Variants in DCC observed in about 807,000 individuals in gnomAD.
DCC encodes the protein DCC netrin 1 receptor, also known as netrin receptor DCC.
DCC carries 58 observed loss-of-function variants against 172.5 expected under a neutral mutation model. That is an observed-to-expected ratio of 0.34 (90% confidence interval 0.27 to 0.42). The LOEUF (loss-of-function observed/expected upper bound fraction) is 0.42, where lower values mean the gene tolerates loss of function less well. DCC is among the 10% of genes least tolerant of loss of function. The probability of loss-of-function intolerance (pLI) is 1.00; values close to 1 mark genes in which losing one functional copy is unlikely to be tolerated. For synonymous variants in DCC, 709 were observed against 644.5 expected, an observed-to-expected ratio of 1.10 and a Z score of -1.52; for missense variants, 1,740 against 1,791.0, an observed-to-expected ratio of 0.97 and a Z score of 0.51.
chr18:53,516,628 G>A (rs1393810639), intron 27 of DCC, among the ~76,000 whole-genome samples: 1 of 151,254 alleles, frequency 6.6e-6, no homozygotes, highest in Admixed American at 6.6e-5. Flanking sequence ...CCATCAAAAA[G>A]TGGGCAAAGC....
intron 2 of DCC, among the ~76,000 whole-genome samples, chr18:52,880,807 G>C (rs1259287566): frequency 6.6e-6 from 1 of 152,172 alleles, no homozygotes; most frequent in Non-Finnish European, 1.5e-5. Context: ...GTTGTGAACA[G>C]TGCTACAACA....
In DCC at chr18:53,114,155, G is replaced by C. The variant is rs142633087; in HGVS notation, c.1262-43201G>C. ...ATAATGCACTCATGTTTATGTAAAT[G>C]ACATCCTACCAAACAGTCATTTATA... is the stretch of plus-strand genomic sequence containing the variant. On this transcript the variant is annotated intron_variant, in intron 7 of 28. Coordinates refer to ENST00000442544, the MANE Select transcript of DCC (RefSeq NM_005215.4). Among the ~76,000 whole-genome samples the C allele has an allele frequency of 6.2e-3, 934 of 151,544 alleles. 5 individuals are homozygous for C. The highest frequency in any genetic ancestry group is 0.011 in the Non-Finnish European group (762 of 67,656).
At chr18:52,649,166 G>A (rs2035075055) in intron 1 of DCC, among the ~76,000 whole-genome samples, 1 of 152,100 alleles carries the variant, frequency 6.6e-6, no homozygotes, top group Non-Finnish European at 1.5e-5. Context: ...GAGGTCAGGA[G>A]ATCGAGACCA....
At chr18:52,855,104 A>T (rs969597233) in intron 2 of DCC, among the ~76,000 whole-genome samples, 1 of 152,074 alleles carries the variant, frequency 6.6e-6, no homozygotes, top group African/African-American at 2.4e-5. Flanking sequence ...CACTATAGGG[A>T]GCTCTTGTGT....
chr18:53,343,992 A>G (rs2057692754), intron 15 of DCC, among the ~76,000 whole-genome samples: 4 of 151,796 alleles, frequency 2.6e-5, no homozygotes, highest in South Asian at 2.1e-4. Context: ...CATTTCTCAT[A>G]TTGGTCTTTT....
At chr18:52,561,739 C>T (rs530035083) in intron 1 of DCC, among the ~76,000 whole-genome samples, 6 of 152,038 alleles carry the variant, frequency 3.9e-5, no homozygotes, top group Non-Finnish European at 7.4e-5. Context: ...ATTCACTTCG[C>T]GGTGGGTTTT....
chr18:53,023,284 G>T (rs1004693481), intron 5 of DCC, among the ~76,000 whole-genome samples: 1 of 148,312 alleles, frequency 6.7e-6, no homozygotes, highest in Non-Finnish European at 1.5e-5. Context: ...TTTAGTAGTC[G>T]ACTGTTTCTA....
intron 2 of DCC, among the ~76,000 whole-genome samples, chr18:52,870,540 G>A (rs2039302939): frequency 6.6e-6 from 1 of 152,138 alleles, no homozygotes; most frequent in African/African-American, 2.4e-5. Flanking sequence ...TTATTCCGGA[G>A]GCCGTAGGAT....
At chr18:52,986,336 A>G (rs2041292370) in intron 5 of DCC, among the ~76,000 whole-genome samples, 2 of 152,178 alleles carry the variant, frequency 1.3e-5, no homozygotes, top group African/African-American at 2.4e-5. Flanking sequence ...TTCAGCAGGG[A>G]CCAGACAGTA....
intron 5 of DCC, among the ~76,000 whole-genome samples, chr18:52,957,763 A>G (rs1395581149): frequency 6.6e-6 from 1 of 152,122 alleles, no homozygotes; most frequent in African/African-American, 2.4e-5. Context: ...CTTGTGCTCC[A>G]TGTGCGAAGA....
intron 1 of DCC, among the ~76,000 whole-genome samples, chr18:52,623,261 G>A (rs545019774): frequency 4.3e-4 from 65 of 152,304 alleles, no homozygotes; most frequent in Middle Eastern, 3.4e-3. Flanking sequence ...GTCATCTTAA[G>A]TAGTAAGGGA....
intron 1 of DCC, among the ~76,000 whole-genome samples, chr18:52,632,923 G>T (rs1046414825): frequency 1.3e-5 from 2 of 152,152 alleles, no homozygotes; most frequent in South Asian, 2.1e-4. Flanking sequence ...TTCAGGAACG[G>T]TTTGCAAACT....
intron 5 of DCC, among the ~76,000 whole-genome samples, chr18:53,062,483 A>G (rs2144077736): frequency 6.6e-6 from 1 of 152,252 alleles, no homozygotes; most frequent in East Asian, 1.9e-4. Flanking sequence ...CTCAGTCAAT[A>G]TAATATTTAA....
At chr18:52,889,882 A>C (rs1010412746) in intron 2 of DCC, among the ~76,000 whole-genome samples, 1 of 152,176 alleles carries the variant, frequency 6.6e-6, no homozygotes, top group Non-Finnish European at 1.5e-5. Context: ...CTTTGCCTAA[A>C]TGCACAAAAC....
intron 28 of DCC, 200 bp downstream of exon 28, chr18:53,526,959 G>A (rs2144619405): frequency 1.7e-6 from 1 of 596,332 alleles, no homozygotes; most frequent in Middle Eastern, 4.6e-4. Context: ...TTATGTCAGA[G>A]ACTTAGTTAT....
At chr18:53,232,346 T>A (rs2056135526) in intron 12 of DCC, among the ~76,000 whole-genome samples, 1 of 152,170 alleles carries the variant, frequency 6.6e-6, no homozygotes, top group Non-Finnish European at 1.5e-5. Flanking sequence ...AGAGTACCTC[T>A]CTCATCTTAA....
chr18:53,428,142 A>G (rs190094385), intron 21 of DCC, among the ~76,000 whole-genome samples: 25,212 of 53,342 alleles, frequency 0.47, 9,806 homozygotes, highest in Non-Finnish European at 0.62. Flanking sequence ...TAATATAATA[A>G]TATATAATAT....
At chr18:52,993,001 A>G (rs2041419201) in intron 5 of DCC, among the ~76,000 whole-genome samples, 1 of 149,108 alleles carries the variant, frequency 6.7e-6, no homozygotes, top group Admixed American at 6.7e-5. Context: ...AAAAAAAAAA[A>G]CACATGTGAA....
intron 14 of DCC, among the ~76,000 whole-genome samples, chr18:53,331,243 A>G (rs1459920235): frequency 6.6e-6 from 1 of 152,196 alleles, no homozygotes; most frequent in Non-Finnish European, 1.5e-5. Context: ...AGACAAACCA[A>G]TAGGTCTGTA....
Sources: gnomAD v4.1 joint callset for allele counts (sites outside exome capture counted in the v4.1 genomes callset) on GRCh38, gnomAD v4.1.1 for gene constraint, MANE v1.5 for transcripts, NCBI Gene and HGNC (gene_info 2026-07-23, HGNC 2026-07-21) for gene names.